CDH10: variants seen among roughly 807,000 people sequenced by gnomAD.
CDH10 encodes the protein cadherin 10, also known as cadherin-10.
Under a neutral mutation model 73.1 loss-of-function variants are expected in CDH10, and 30 were observed. The ratio of observed to expected loss-of-function variants is 0.41; its 90% CI spans 0.31 to 0.56. The LOEUF (loss-of-function observed/expected upper bound fraction) is 0.56, where lower values mean the gene tolerates loss of function less well. Among genes scored for constraint, CDH10 ranks in the 20% least tolerant of loss-of-function variants. CDH10 has a pLI of 0.27. For missense variants in CDH10, 815 were observed against 973.7 expected (o/e 0.84, Z 2.17); for synonymous variants, 345 against 348.2 (o/e 0.99, Z 0.10).
intron 1 of CDH10, among the ~76,000 whole-genome samples, chr5:24,629,052 C>G (rs1349092635): frequency 6.6e-6 from 1 of 152,032 alleles, no homozygotes; most frequent in Non-Finnish European, 1.5e-5. Flanking sequence ...CTATATTCAT[C>G]TCATTGAGGC....
intron 1 of CDH10, among the ~76,000 whole-genome samples, chr5:24,620,867 T>C (rs950624862): frequency 1.3e-4 from 20 of 152,200 alleles, no homozygotes; most frequent in African/African-American, 4.6e-4. Context: ...GCAATCAATT[T>C]AGCTGACTGA....
chr5:24,558,348 A>G (rs959874963), intron 2 of CDH10, among the ~76,000 whole-genome samples: 1 of 151,806 alleles, frequency 6.6e-6, no homozygotes, highest in African/African-American at 2.4e-5. Context: ...TTTCCATGAC[A>G]TTCACAATTT....
intron 2 of CDH10, among the ~76,000 whole-genome samples, chr5:24,581,001 T>C (rs763283104): frequency 1.3e-5 from 2 of 152,202 alleles, no homozygotes; most frequent in Admixed American, 6.5e-5. Context: ...TCCAGGATAC[T>C]TGCTTCACAT....
chr5:24,554,913 C>T (rs1375387592), intron 2 of CDH10, among the ~76,000 whole-genome samples: 1 of 151,900 alleles, frequency 6.6e-6, no homozygotes, highest in Non-Finnish European at 1.5e-5. Flanking sequence ...TTTATCTTTG[C>T]ATTTTCTAAT....
intron 2 of CDH10, among the ~76,000 whole-genome samples, chr5:24,574,912 A>G (rs1436903747): frequency 1.3e-5 from 2 of 152,090 alleles, no homozygotes; most frequent in East Asian, 3.9e-4. Context: ...AACCTAACCC[A>G]TGAAAGATAC....
chr5:24,488,173 A>G lies in CDH10; in HGVS notation c.1877-20T>C. 1.3e-6 allele frequency: 2 copies of G among 1,582,022 alleles called. No homozygotes were observed. Among genetic ancestry groups the G allele is most frequent in the Non-Finnish European group, 1.7e-6 (2 of 1,166,434 alleles). ...CTATAACTTGAAAAAAGACAAGAAGATACATTAGACGTCCGTTCAAAACAC... is the reference window on the plus strand; with the variant it reads ...CTATAACTTGAAAAAAGACAAGAAGGTACATTAGACGTCCGTTCAAAACAC... On this transcript the variant is annotated intron_variant, in intron 11 of 11. Coordinates refer to ENST00000264463, the MANE Select transcript of CDH10 (RefSeq NM_006727.5).
At chr5:24,532,221 G>A (rs1743779329) in intron 5 of CDH10, among the ~76,000 whole-genome samples, 1 of 152,048 alleles carries the variant, frequency 6.6e-6, no homozygotes, top group Non-Finnish European at 1.5e-5. Flanking sequence ...CTAAAGGAAA[G>A]TTTGAGTTGT....
intron 1 of CDH10, among the ~76,000 whole-genome samples, chr5:24,604,876 A>AC (rs1257081034): frequency 7.6e-4 from 113 of 149,492 alleles, no homozygotes; most frequent in East Asian, 5.1e-3. Context: ...GTCTCTAAAA[A>AC]AAAAAAAAAA....
intron 2 of CDH10, among the ~76,000 whole-genome samples, chr5:24,579,921 T>C (rs1338966805): frequency 6.6e-6 from 1 of 152,128 alleles, no homozygotes; most frequent in Admixed American, 6.6e-5. Context: ...CAATTTACAA[T>C]TCAAAACTTC....
intron 1 of CDH10, among the ~76,000 whole-genome samples, chr5:24,620,456 G>A (rs1454730596): frequency 6.6e-6 from 1 of 152,072 alleles, no homozygotes; most frequent in East Asian, 1.9e-4. Context: ...ATAAGACCTT[G>A]AATAATATAT....
chr5:24,549,550 A>G (rs1291252482), intron 2 of CDH10, among the ~76,000 whole-genome samples: 1 of 88,406 alleles, frequency 1.1e-5, no homozygotes, highest in African/African-American at 3.6e-5. Context: ...CAATGGAATG[A>G]CTTTTTTTTT....
intron 2 of CDH10, among the ~76,000 whole-genome samples, chr5:24,569,998 TC>T (rs1425314351): frequency 6.6e-6 from 1 of 152,012 alleles, no homozygotes; most frequent in Non-Finnish European, 1.5e-5. Context: ...ACTCCTAACC[TC>T]AGGTGATCTG....
intron 2 of CDH10, among the ~76,000 whole-genome samples, chr5:24,591,557 C>T (rs1022873733): frequency 9.9e-5 from 15 of 151,692 alleles, no homozygotes; most frequent in African/African-American, 2.7e-4. Flanking sequence ...TTAAGTTTAC[C>T]AACTTAATTG....
intron 7 of CDH10, among the ~76,000 whole-genome samples, chr5:24,508,509 T>G (rs1481247875): frequency 1.3e-5 from 2 of 152,130 alleles, no homozygotes; most frequent in Non-Finnish European, 2.9e-5. Flanking sequence ...TAACCCACAT[T>G]GCAGCATTGC....
chr5:24,525,475 A>C (rs1743498537), intron 5 of CDH10, among the ~76,000 whole-genome samples: 1 of 152,118 alleles, frequency 6.6e-6, no homozygotes, highest in African/African-American at 2.4e-5. Context: ...ATAATTATGC[A>C]CGTTTATAAA....
At chr5:24,580,204 C>T (rs964295021) in intron 2 of CDH10, among the ~76,000 whole-genome samples, 4 of 151,902 alleles carry the variant, frequency 2.6e-5, no homozygotes, top group Admixed American at 2.0e-4. Context: ...TATAGGTAAA[C>T]CCATGTCATG....
intron 2 of CDH10, among the ~76,000 whole-genome samples, chr5:24,561,883 T>G (rs1289066611): frequency 1.3e-5 from 2 of 152,132 alleles, no homozygotes; most frequent in East Asian, 3.9e-4. Context: ...AGGCCAGGCT[T>G]ATGTTTCTCT....
chr5:24,505,709 CTTA>C, intron 7 of CDH10, among the ~76,000 whole-genome samples: 1 of 152,302 alleles, frequency 6.6e-6, no homozygotes, highest in South Asian at 2.1e-4. Flanking sequence ...AGACTATCAA[CTTA>C]TTATGGTGTT....
chr5:24,637,558 A>G (rs1747905974), intron 1 of CDH10, among the ~76,000 whole-genome samples: 1 of 151,916 alleles, frequency 6.6e-6, no homozygotes. Context: ...TCATCCTTGT[A>G]TCTCCAGGTG....
Sources: allele counts gnomAD v4.1 joint callset (sites outside exome capture counted in the v4.1 genomes callset), GRCh38; gene constraint gnomAD v4.1.1; transcripts MANE v1.5; gene names NCBI Gene and HGNC (gene_info 2026-07-23, HGNC 2026-07-21).